Variants in DTWD2 observed in about 807,000 individuals in gnomAD.
DTWD2 encodes tRNA-uridine aminocarboxypropyltransferase 2.
DTWD2 carries 39 observed loss-of-function variants against 31.8 expected under a neutral mutation model. That is an observed-to-expected ratio of 1.22 (90% confidence interval 0.95 to 1.60). DTWD2 has a LOEUF of 1.60. Among genes scored for constraint, DTWD2 ranks in the 40% most tolerant of loss-of-function variants. DTWD2 has a pLI of 0.00. For missense variants in DTWD2, 515 were observed against 381.5 expected (o/e 1.35, Z -2.92); for synonymous variants, 180 against 142.8 (o/e 1.26, Z -1.86).
intron 3 of DTWD2, among the ~76,000 whole-genome samples, chr5:118,931,548 A>C (rs1474383367): frequency 4.6e-5 from 7 of 152,228 alleles, no homozygotes; most frequent in African/African-American, 1.7e-4. Flanking sequence ...ACAATCTTTT[A>C]ACATGTATGT....
chr5:118,979,988 C>A (rs1207454647), intron 1 of DTWD2, among the ~76,000 whole-genome samples: 1 of 152,188 alleles, frequency 6.6e-6, no homozygotes, highest in African/African-American at 2.4e-5. Flanking sequence ...TGCACATGTA[C>A]CCTGGAACTT....
intron 4 of DTWD2, among the ~76,000 whole-genome samples, chr5:118,864,529 T>TAA (rs750961429): frequency 3.8e-5 from 5 of 132,676 alleles, no homozygotes; most frequent in African/African-American, 1.1e-4. Flanking sequence ...CTTAGAGTAT[T>TAA]AAAAAAAAAA....
Position 118,939,184 on chromosome 5 carries a change from C to T in DTWD2, c.404+12G>A, listed in dbSNP as rs1342632812. 2 of 1,593,958 alleles carry T rather than the reference C, an allele frequency of 1.3e-6. No individual in the cohort carries two copies. The highest frequency in any genetic ancestry group is 1.4e-5 in the African/African-American group (1 of 73,790). On this transcript the variant is annotated intron_variant, in intron 3 of 5. Coordinates refer to ENST00000510708, the MANE Select transcript of DTWD2 (RefSeq NM_173666.4). ...AAAAGAATTATTTACATTGCCCTAA[C>T]AGTTAATTTACCTTTCTTCACTGAA...
intron 4 of DTWD2, among the ~76,000 whole-genome samples, chr5:118,865,032 A>G (rs986286537): frequency 6.6e-6 from 1 of 151,924 alleles, no homozygotes; most frequent in African/African-American, 2.4e-5. Flanking sequence ...CACACACACA[A>G]ACACACACAC....
intron 4 of DTWD2, among the ~76,000 whole-genome samples, chr5:118,906,222 A>T (rs1753329517): frequency 6.6e-6 from 1 of 152,214 alleles, no homozygotes; most frequent in Non-Finnish European, 1.5e-5. Context: ...AGAAGAAACA[A>T]GATTTCTCAT....
Position 118,853,840 on chromosome 5 carries a change from G to A in DTWD2, c.598-5622C>T, listed in dbSNP as rs576736329. 8.1e-4 allele frequency among the ~76,000 whole-genome samples: 124 copies of A among 152,208 alleles called. 1 individual carries two copies. The highest frequency in any genetic ancestry group is 2.7e-3 in the African/African-American group (112 of 41,534). ...GGCAATATACCCTTGTAACAAACCT[G>A]CACATGTACCCTCTGAATCTACGAA... On this transcript the variant is annotated intron_variant, in intron 4 of 5. Transcript: ENST00000510708.
chr5:118,935,494 T>C (rs1464398401), intron 3 of DTWD2, among the ~76,000 whole-genome samples: 2 of 152,156 alleles, frequency 1.3e-5, no homozygotes, highest in African/African-American at 4.8e-5. Flanking sequence ...ACTAGTATTA[T>C]TGCAAAATTG....
chr5:118,977,726 C>G lies in DTWD2; in HGVS notation c.218+10568G>C, dbSNP rs10477583. Among the ~76,000 whole-genome samples, 960 of 152,220 alleles carry G rather than the reference C, an allele frequency of 6.3e-3. 10 individuals are homozygous for G. The highest frequency in any genetic ancestry group is 0.014 in the Admixed American group (216 of 15,292). On this transcript the variant is annotated intron_variant, in intron 1 of 5. Transcript: ENST00000510708. ...TGGGAAAACATTCCATGCTCACGGA[C>G]AGGAAGAATCAATATTGTGAAAATG...
chr5:118,912,060 A>G (rs923882911), intron 4 of DTWD2, among the ~76,000 whole-genome samples: 1 of 152,238 alleles, frequency 6.6e-6, no homozygotes, highest in Non-Finnish European at 1.5e-5. Flanking sequence ...ACACCTTTCT[A>G]TAATTCATCC....
Position 118,880,570 on chromosome 5 carries a change from C to G in DTWD2, c.598-32352G>C, listed in dbSNP as rs191860246. ...TCATATATTTGTTGGGCTATGGCAT[C>G]TCTACAAACACATACCACTGGAAAA... On this transcript the variant is annotated intron_variant, in intron 4 of 5. Transcript: ENST00000510708. Among the ~76,000 whole-genome samples, 46 of 152,212 alleles carry G rather than the reference C, an allele frequency of 3.0e-4. 1 individual carries two copies. The East Asian group carries it at 8.7e-3, about 29-fold the overall frequency.
In DTWD2 at chr5:118,985,490, T is replaced by TTATA. The variant is rs56393420; in HGVS notation, c.218+2800_218+2803dup. ...AAAGACCACATGCTTATGTGCATTT[T>TTATA]TATATATATATATATATATATATAT... On this transcript the variant is annotated intron_variant, in intron 1 of 5. Transcript: ENST00000510708. Among the ~76,000 whole-genome samples, 651 of 95,408 alleles carry TTATA rather than the reference T, an allele frequency of 6.8e-3. 9 individuals are homozygous for TTATA. In the East Asian group the frequency reaches 0.07, roughly 10 times the overall value. The allele number at this position is 95,408 out of a possible 152,430, so 62.6% of individuals were successfully genotyped here.
chr5:118,969,433 A>T (rs1281269448), intron 1 of DTWD2, among the ~76,000 whole-genome samples: 1 of 152,152 alleles, frequency 6.6e-6, no homozygotes, highest in East Asian at 1.9e-4. Context: ...TCAGGCCAAC[A>T]TCTGTTCAGT....
intron 2 of DTWD2, among the ~76,000 whole-genome samples, chr5:118,942,096 T>C (rs1249886618): frequency 6.6e-6 from 1 of 152,158 alleles, no homozygotes; most frequent in African/African-American, 2.4e-5. Context: ...TTCAGATGAG[T>C]AGATTGCAAA....
At chr5:118,879,881 A>G (rs1158275614) in intron 4 of DTWD2, among the ~76,000 whole-genome samples, 1 of 152,198 alleles carries the variant, frequency 6.6e-6, no homozygotes, top group Non-Finnish European at 1.5e-5. Flanking sequence ...GTGATGAAAT[A>G]ATCTGTACAA....
At chr5:118,973,972 T>C (rs558343212) in intron 1 of DTWD2, 2 of 1,582,788 alleles carry the variant, frequency 1.3e-6, no homozygotes, top group Non-Finnish European at 1.7e-6. Flanking sequence ...AGGAAGAAGG[T>C]GGGGAGGAAG....
In DTWD2 at chr5:118,836,166, T is replaced by C. The variant is rs186744713; in HGVS notation, c.*4751A>G. Reference sequence around the variant, plus strand: ...AAATTTCTTATTCGAATAATTTTTTTAAAAAACCTTACATTAAAAAGTTTC... The same window carrying C: ...AAATTTCTTATTCGAATAATTTTTTCAAAAAACCTTACATTAAAAAGTTTC... On this transcript the variant is annotated 3_prime_UTR_variant, in exon 6 of 6. Transcript: ENST00000510708. Among the ~76,000 whole-genome samples the C allele has an allele frequency of 6.6e-6, 1 of 152,188 alleles. No homozygotes were observed. Among genetic ancestry groups the C allele is most frequent in the Non-Finnish European group, 1.5e-5 (1 of 68,032 alleles).
intron 4 of DTWD2, among the ~76,000 whole-genome samples, chr5:118,857,516 T>C (rs1231737311): frequency 1.3e-5 from 2 of 152,222 alleles, no homozygotes; most frequent in Non-Finnish European, 2.9e-5. Context: ...AAAATTGGGC[T>C]GTCTTCTTAT....
intron 2 of DTWD2, among the ~76,000 whole-genome samples, chr5:118,943,550 C>CAAA (rs1270693139): frequency 1.6e-5 from 1 of 63,940 alleles, no homozygotes; most frequent in African/African-American, 5.0e-5. Flanking sequence ...GACTCCGTCT[C>CAAA]AAAAAAAAAA....
At chr5:118,968,744 G>A (rs956380817) in intron 1 of DTWD2, among the ~76,000 whole-genome samples, 8 of 152,208 alleles carry the variant, frequency 5.3e-5, no homozygotes, top group Non-Finnish European at 1.2e-4. Context: ...GCATACTCTG[G>A]CCCTGGGAAT....
Sources: gnomAD v4.1 joint callset for allele counts (sites outside exome capture counted in the v4.1 genomes callset) on GRCh38, gnomAD v4.1.1 for gene constraint, MANE v1.5 for transcripts, NCBI Gene and HGNC (gene_info 2026-07-23, HGNC 2026-07-21) for gene names.